The following DLG2 variants were observed in gnomAD, a reference collection of about 807,000 sequenced individuals.
DLG2 encodes the protein disks large homolog 2.
Under a neutral mutation model 132.5 loss-of-function variants are expected in DLG2, and 45 were observed. The observed-to-expected ratio is 0.34, with a 90% CI of 0.27 to 0.44. The LOEUF (loss-of-function observed/expected upper bound fraction) is 0.44. Ranked by LOEUF, DLG2 falls within the 20% of genes least tolerant of loss-of-function variation. The probability of loss-of-function intolerance (pLI) is 1.00; values close to 1 mark genes in which losing one functional copy is unlikely to be tolerated. For missense variants in DLG2, 1,045 were observed against 1,196.9 expected, an observed-to-expected ratio of 0.87 and a Z score of 1.87; for synonymous variants, 424 against 419.6, an observed-to-expected ratio of 1.01 and a Z score of -0.13.
chr11:85,277,920 T>C (rs1484423235), intron 4 of DLG2, among the ~76,000 whole-genome samples: 1 of 152,192 alleles, frequency 6.6e-6, no homozygotes, highest in Non-Finnish European at 1.5e-5. Flanking sequence ...ACTGCCAGTT[T>C]AATCTGCCCC....
At chr11:83,668,919 G>A (rs1032414412) in intron 18 of DLG2, among the ~76,000 whole-genome samples, 3 of 147,260 alleles carry the variant, frequency 2.0e-5, no homozygotes, top group African/African-American at 5.1e-5. Flanking sequence ...ACAGTTATTC[G>A]CTCAGCACCA....
chr11:84,912,436 G>T (rs1227017483), intron 6 of DLG2, among the ~76,000 whole-genome samples: 1 of 152,216 alleles, frequency 6.6e-6, no homozygotes, highest in Non-Finnish European at 1.5e-5. Flanking sequence ...GATTACCGGC[G>T]TGAGCCACTG....
At chr11:84,294,237 A>C (rs192676768) in intron 7 of DLG2, among the ~76,000 whole-genome samples, 1 of 152,312 alleles carries the variant, frequency 6.6e-6, no homozygotes, top group African/African-American at 2.4e-5. Flanking sequence ...ATTATCTTAA[A>C]GTTATTAAGT....
intron 6 of DLG2, among the ~76,000 whole-genome samples, chr11:84,845,920 T>C (rs189152174): frequency 1.3e-5 from 2 of 152,164 alleles, no homozygotes; most frequent in Admixed American, 1.3e-4. Flanking sequence ...TCCACCTGCC[T>C]CAGCCTCCCA....
chr11:84,997,010 G>C (rs533984542), intron 6 of DLG2, among the ~76,000 whole-genome samples: 1 of 152,294 alleles, frequency 6.6e-6, no homozygotes, highest in African/African-American at 2.4e-5. Flanking sequence ...GTAGTGCTGA[G>C]AAGGGGTAGT....
At chr11:85,251,392 A>C (rs2076388521) in intron 4 of DLG2, among the ~76,000 whole-genome samples, 1 of 152,214 alleles carries the variant, frequency 6.6e-6, no homozygotes, top group African/African-American at 2.4e-5. Flanking sequence ...TTTTATGGGA[A>C]TCAAATGAAA....
chr11:85,545,925 A>G (rs1413613856), intron 3 of DLG2, among the ~76,000 whole-genome samples: 1 of 151,546 alleles, frequency 6.6e-6, no homozygotes, highest in Non-Finnish European at 1.5e-5. Context: ...ATTTTGTTGA[A>G]CTTTTCAAAA....
intron 7 of DLG2, among the ~76,000 whole-genome samples, chr11:84,270,340 A>G (rs942307738): frequency 6.6e-6 from 1 of 152,174 alleles, no homozygotes; most frequent in Non-Finnish European, 1.5e-5. Context: ...CAGCAGATGA[A>G]CTTGCTTGAG....
At chr11:83,790,419 C>T (rs1365437915) in intron 17 of DLG2, 31 of 1,047,490 alleles carry the variant, frequency 3.0e-5, no homozygotes, top group South Asian at 6.8e-5. Flanking sequence ...GTGATTGGTC[C>T]CCAGTACCAT....
intron 3 of DLG2, among the ~76,000 whole-genome samples, chr11:85,287,766 T>C (rs1308703481): frequency 6.6e-6 from 1 of 152,080 alleles, no homozygotes; most frequent in Non-Finnish European, 1.5e-5. Context: ...AATAGATAAA[T>C]TGTGATATGT....
chr11:84,648,611 C>T (rs1431790023), intron 6 of DLG2, among the ~76,000 whole-genome samples: 1 of 152,134 alleles, frequency 6.6e-6, no homozygotes, highest in African/African-American at 2.4e-5. Flanking sequence ...CGCTCATGCA[C>T]TGCTGGGTGC....
At chr11:85,123,071 G>A (rs1279115467) in intron 5 of DLG2, among the ~76,000 whole-genome samples, 8 of 144,040 alleles carry the variant, frequency 5.6e-5, no homozygotes, top group African/African-American at 7.8e-5. Context: ...TCCACCTCCC[G>A]GGTTCATGCC....
chr11:84,231,669 T>C (rs2097095474), intron 8 of DLG2, among the ~76,000 whole-genome samples: 1 of 152,104 alleles, frequency 6.6e-6, no homozygotes, highest in African/African-American at 2.4e-5. Context: ...AACTCTGAAA[T>C]ATCATACTAG....
intron 6 of DLG2, among the ~76,000 whole-genome samples, chr11:84,680,853 T>C (rs553883066): frequency 6.6e-6 from 1 of 152,318 alleles, no homozygotes; most frequent in East Asian, 1.9e-4. Context: ...AGTTACTAAC[T>C]TTTTAAATGC....
chr11:84,626,535 G>A (rs2099622768), intron 6 of DLG2, among the ~76,000 whole-genome samples: 2 of 152,314 alleles, frequency 1.3e-5, no homozygotes, highest in South Asian at 4.1e-4. Context: ...AGGTGGCAGA[G>A]CTTCTTGATA....
At chr11:83,484,041 G>A in intron 22 of DLG2, 88 bp downstream of exon 22, 2 of 1,038,372 alleles carry the variant, frequency 1.9e-6, no homozygotes, top group East Asian at 2.4e-5. Context: ...CTAGGTGTGT[G>A]GCGTGGGAGA....
At chr11:84,997,423 T>C (rs1306699451) in intron 6 of DLG2, 3 of 152,338 alleles carry the variant, frequency 2.0e-5, no homozygotes, top group South Asian at 2.1e-4. Flanking sequence ...GATCCTGTCT[T>C]ATGTGCCCAT....
intron 21 of DLG2, among the ~76,000 whole-genome samples, chr11:83,487,206 A>G (rs1433583295): frequency 2.0e-5 from 3 of 152,078 alleles, no homozygotes; most frequent in Non-Finnish European, 4.4e-5. Context: ...ACATCTTTAA[A>G]TAGACACTTT....
At position 84,163,594 on chromosome 11, in the gene DLG2, G is replaced by T. The variant is rs1390476133; in HGVS notation, c.574-83C>A. 3.3e-5 allele frequency: 38 copies of T among 1,168,946 alleles called. No individual in the cohort carries two copies. The East Asian group carries it at 9.2e-4, about 28-fold the overall frequency. The allele number at this position is 1,168,946 out of a possible 1,614,324, so 72.4% of individuals were successfully genotyped here. On this transcript the variant is annotated intron_variant, in intron 8 of 27. Coordinates refer to ENST00000376104, the MANE Select transcript of DLG2 (RefSeq NM_001142699.3). ...GCTGCATTTTAAATAATGCTTGGGG[G>T]TGAAATTTTCATTCTAGCTATAAAT...
Sources: gnomAD v4.1 joint callset for allele counts (sites outside exome capture counted in the v4.1 genomes callset) on GRCh38, gnomAD v4.1.1 for gene constraint, MANE v1.5 for transcripts, NCBI Gene and HGNC (gene_info 2026-07-23, HGNC 2026-07-21) for gene names.